The following ST8SIA1 variants were observed in gnomAD, a reference collection of about 807,000 sequenced individuals.
The protein encoded by ST8SIA1 is ST8 alpha-N-acetyl-neuraminide alpha-2,8-sialyltransferase 1.
Under a neutral mutation model 35.9 loss-of-function variants are expected in ST8SIA1, and 16 were observed. The ratio of observed to expected loss-of-function variants is 0.45; its 90% CI spans 0.30 to 0.68. The LOEUF (loss-of-function observed/expected upper bound fraction) is 0.68, where lower values mean the gene tolerates loss of function less well. Ranked by LOEUF, ST8SIA1 falls within the 30% of genes least tolerant of loss-of-function variation. The pLI is 0.09. For synonymous variants in ST8SIA1, 170 were observed against 169.6 expected (o/e 1.00, Z -0.02); for missense variants, 383 against 453.6 (o/e 0.84, Z 1.41).
chr12:22,333,949 C>A, intron 1 of ST8SIA1, 48 bp downstream of exon 1: 1 of 1,553,718 alleles, frequency 6.4e-7, no homozygotes, highest in East Asian at 2.2e-5. Flanking sequence ...CCTCTGCACT[C>A]GGGGAGGAAA....
At chr12:22,294,360 C>T (rs960020434) in intron 1 of ST8SIA1, among the ~76,000 whole-genome samples, 4 of 152,014 alleles carry the variant, frequency 2.6e-5, no homozygotes, top group African/African-American at 4.8e-5. Flanking sequence ...CCTAATAGGC[C>T]GAAATACACA....
At chr12:22,309,061 T>C (rs1257947558) in intron 1 of ST8SIA1, among the ~76,000 whole-genome samples, 1 of 152,110 alleles carries the variant, frequency 6.6e-6, no homozygotes, top group Non-Finnish European at 1.5e-5. Flanking sequence ...CGATGGACCA[T>C]CAGGAGATGT....
At chr12:22,325,690 T>G in intron 1 of ST8SIA1, 3 of 606,660 alleles carry the variant, frequency 4.9e-6, no homozygotes. Context: ...TTTTTCCTAT[T>G]TTTTCCTATA....
At chr12:22,232,173 G>C (rs1865428500) in intron 4 of ST8SIA1, among the ~76,000 whole-genome samples, 1 of 152,136 alleles carries the variant, frequency 6.6e-6, no homozygotes, top group Non-Finnish European at 1.5e-5. Flanking sequence ...ACAAACCAGG[G>C]TATATGAAAG....
intron 1 of ST8SIA1, among the ~76,000 whole-genome samples, chr12:22,300,488 T>G (rs1866305370): frequency 6.6e-6 from 1 of 152,202 alleles, no homozygotes; most frequent in Non-Finnish European, 1.5e-5. Flanking sequence ...AAGCATTAAC[T>G]GACTCTTTAA....
intron 1 of ST8SIA1, among the ~76,000 whole-genome samples, chr12:22,290,340 T>C (rs981846214): frequency 2.0e-5 from 3 of 152,162 alleles, no homozygotes; most frequent in Non-Finnish European, 2.9e-5. Flanking sequence ...ACACTGGATA[T>C]GGCAGCAGCA....
intron 1 of ST8SIA1, among the ~76,000 whole-genome samples, chr12:22,312,067 C>T (rs1293850506): frequency 6.6e-6 from 1 of 152,086 alleles, no homozygotes; most frequent in Admixed American, 6.6e-5. Flanking sequence ...CTGAGATGAG[C>T]TGATGATGTT....
rs1865046071 is a variant in ST8SIA1, at chr12:22,201,326, T to C, written c.*226A>G. Reference sequence around the variant, plus strand: ...CAGCATTTCACCAGCATTTTACTAGTTGCAAATCTGCCATGTGCTATAAAG... The same window carrying C: ...CAGCATTTCACCAGCATTTTACTAGCTGCAAATCTGCCATGTGCTATAAAG... On this transcript the variant is annotated 3_prime_UTR_variant, in exon 5 of 5. Transcript: ENST00000396037. 1 of 484,634 alleles carries C rather than the reference T, an allele frequency of 2.1e-6. No individual in the cohort carries two copies. The highest frequency in any genetic ancestry group is 3.5e-6 in the Non-Finnish European group (1 of 285,902). 30.0% of individuals were successfully genotyped at this position (484,634 alleles called of 1,614,324 possible).
chr12:22,318,408 G>A (rs919624465), intron 1 of ST8SIA1, among the ~76,000 whole-genome samples: 1 of 152,194 alleles, frequency 6.6e-6, no homozygotes, highest in Non-Finnish European at 1.5e-5. Context: ...ATCTTTTCTA[G>A]GCTTCCACCT....
At chr12:22,288,881 C>A (rs557736400) in intron 1 of ST8SIA1, among the ~76,000 whole-genome samples, 1 of 152,184 alleles carries the variant, frequency 6.6e-6, no homozygotes, top group Non-Finnish European at 1.5e-5. Flanking sequence ...TAAAGGTTTT[C>A]TTTGTTGTTT....
intron 1 of ST8SIA1, among the ~76,000 whole-genome samples, chr12:22,287,619 G>C (rs1202321484): frequency 3.9e-5 from 6 of 152,092 alleles, no homozygotes; most frequent in Admixed American, 3.3e-4. Flanking sequence ...TAAACATCCA[G>C]GTCCAGAAAA....
intron 2 of ST8SIA1, among the ~76,000 whole-genome samples, chr12:22,279,129 C>T (rs895268322): frequency 2.6e-5 from 4 of 152,138 alleles, no homozygotes; most frequent in South Asian, 2.1e-4. Flanking sequence ...TCTCTATATA[C>T]ACCTGAACCT....
chr12:22,223,141 G>T (rs563992190), intron 4 of ST8SIA1: 1 of 152,284 alleles, frequency 6.6e-6, no homozygotes, highest in East Asian at 1.9e-4. Context: ...TTAGGAAACA[G>T]AAAAGGTATA....
intron 2 of ST8SIA1, among the ~76,000 whole-genome samples, chr12:22,262,646 A>G (rs180973730): frequency 6.6e-6 from 1 of 152,360 alleles, no homozygotes; most frequent in Admixed American, 6.5e-5. Flanking sequence ...TAGGAAGTGC[A>G]TGGAGAAAAA....
chr12:22,277,854 T>TA (rs1442088498), intron 2 of ST8SIA1, among the ~76,000 whole-genome samples: 5 of 152,068 alleles, frequency 3.3e-5, no homozygotes, highest in African/African-American at 1.2e-4. Flanking sequence ...GAGTAGACGA[T>TA]AGTGTCATTA....
chr12:22,301,393 G>T (rs1241310248), intron 1 of ST8SIA1, among the ~76,000 whole-genome samples: 1 of 151,068 alleles, frequency 6.6e-6, no homozygotes, highest in African/African-American at 2.4e-5. Flanking sequence ...TTAAAATGTT[G>T]CTGATCCTTT....
intron 2 of ST8SIA1, among the ~76,000 whole-genome samples, chr12:22,267,880 G>T (rs963959931): frequency 6.6e-6 from 1 of 152,114 alleles, no homozygotes; most frequent in Non-Finnish European, 1.5e-5. Context: ...ATGACCTGAG[G>T]TCTTCCTTCC....
In ST8SIA1 at chr12:22,222,655, T is replaced by C. The variant is rs1409793585; in HGVS notation, c.585-20617A>G. 3.3e-5 allele frequency among the ~76,000 whole-genome samples: 5 copies of C among 152,072 alleles called. No homozygotes were observed. In the East Asian group the frequency reaches 9.7e-4, roughly 29 times the overall value. ...ACATATACATATATACATATACTTA[T>C]ATACACTGTATCTCTAGGTTTTTGT... On this transcript the variant is annotated intron_variant, in intron 4 of 4. Transcript: ENST00000396037.
At chr12:22,246,042 C>T (rs1035310633) in intron 4 of ST8SIA1, among the ~76,000 whole-genome samples, 3 of 152,156 alleles carry the variant, frequency 2.0e-5, no homozygotes, top group Non-Finnish European at 2.9e-5. Context: ...CGTAAATAAG[C>T]GTTTCCTTGA....
Sources: gnomAD v4.1 joint callset for allele counts (sites outside exome capture counted in the v4.1 genomes callset) on GRCh38, gnomAD v4.1.1 for gene constraint, MANE v1.5 for transcripts, NCBI Gene and HGNC (gene_info 2026-07-23, HGNC 2026-07-21) for gene names.